PDGFRL: variants seen among roughly 807,000 people sequenced by gnomAD.
PDGFRL encodes platelet derived growth factor receptor like, also known as platelet-derived growth factor receptor-like protein.
Under a neutral mutation model 37.2 loss-of-function variants are expected in PDGFRL, and 46 were observed. The ratio of observed to expected loss-of-function variants is 1.24; its 90% CI spans 0.98 to 1.58. The LOEUF is 1.58. Ranked by LOEUF, PDGFRL falls within the 40% of genes most tolerant of loss-of-function variation. The pLI, the probability that PDGFRL is intolerant of heterozygous loss-of-function variation, is 0.00. For synonymous variants in PDGFRL, 251 were observed against 184.3 expected (o/e 1.36, Z -2.93); for missense variants, 692 against 467.6 (o/e 1.48, Z -4.43).
intron 2 of PDGFRL, among the ~76,000 whole-genome samples, 155 bp from the exon 3 acceptor site, chr8:17,620,896 G>T (rs1804616618): frequency 6.7e-6 from 1 of 150,322 alleles, no homozygotes; most frequent in Admixed American, 6.6e-5. Context: ...AAGTTCTAGG[G>T]GTGTTTGACA....
intron 1 of PDGFRL, among the ~76,000 whole-genome samples, chr8:17,579,646 G>A (rs923031996): frequency 4.6e-5 from 7 of 151,316 alleles, no homozygotes; most frequent in Admixed American, 6.6e-5. Context: ...AGCTCACTGC[G>A]ACTTCCACTT....
intron 2 of PDGFRL, among the ~76,000 whole-genome samples, chr8:17,593,749 C>T (rs1803992643): frequency 6.6e-6 from 1 of 151,980 alleles, no homozygotes. Context: ...ACAAAATTAG[C>T]TGGGCATGGT....
intron 4 of PDGFRL, among the ~76,000 whole-genome samples, chr8:17,633,785 C>T (rs1219205855): frequency 6.6e-6 from 1 of 152,170 alleles, no homozygotes; most frequent in African/African-American, 2.4e-5. Context: ...CCTCTTCATT[C>T]TCTTCACATG....
rs1198809504 is a variant in PDGFRL, at chr8:17,606,894, GTT to G, written c.354-14139_354-14138del. Among the ~76,000 whole-genome samples, 37 of 123,662 alleles carry G rather than the reference GTT, an allele frequency of 3.0e-4. 1 individual carries two copies. The highest frequency in any genetic ancestry group is 4.2e-3 in the Middle Eastern group (1 of 238). 81.1% of individuals were successfully genotyped at this position (123,662 alleles called of 152,430 possible). ...CCAGTTTTTCGTTTTTTGTTTTTTTGTTTTTTTTTTTTTTTTTTTGAGACGGA... is the reference window on the plus strand; with the variant it reads ...CCAGTTTTTCGTTTTTTGTTTTTTTGTTTTTTTTTTTTTTTTTGAGACGGA... On this transcript the variant is annotated intron_variant, in intron 2 of 5. Coordinates refer to ENST00000251630, the MANE Select transcript of PDGFRL (RefSeq NM_001372073.1).
intron 2 of PDGFRL, among the ~76,000 whole-genome samples, chr8:17,602,562 T>C (rs2129665564): frequency 6.6e-6 from 1 of 152,290 alleles, no homozygotes; most frequent in East Asian, 1.9e-4. Flanking sequence ...ATACCCAGAA[T>C]GAGGCATTGA....
intron 2 of PDGFRL, among the ~76,000 whole-genome samples, chr8:17,604,150 G>C (rs575402663): frequency 6.6e-6 from 1 of 152,196 alleles, no homozygotes; most frequent in African/African-American, 2.4e-5. Context: ...CTGTAAACTA[G>C]TTCAACCATT....
chr8:17,635,737 C>A (rs1197085189), intron 5 of PDGFRL, among the ~76,000 whole-genome samples: 1 of 152,208 alleles, frequency 6.6e-6, no homozygotes, highest in African/African-American at 2.4e-5. Flanking sequence ...TACATTCCCA[C>A]CAGCAGTGTA....
intron 2 of PDGFRL, among the ~76,000 whole-genome samples, chr8:17,597,875 G>A (rs1804087366): frequency 6.6e-6 from 1 of 152,148 alleles, no homozygotes; most frequent in African/African-American, 2.4e-5. Flanking sequence ...ATTTCAGTAA[G>A]TTAATGTGTT....
At chr8:17,609,276 G>A (rs1585316456) in intron 2 of PDGFRL, among the ~76,000 whole-genome samples, 1 of 151,972 alleles carries the variant, frequency 6.6e-6, no homozygotes. Context: ...GGTGGCTGAG[G>A]CTGGTGGATC....
At position 17,592,761 on chromosome 8, in the gene PDGFRL, C is replaced by A. The variant is rs910486060; in HGVS notation, c.353+2996C>A. ...CCCACAGCACTTGCTGTTTCCTCTT[C>A]CCAGCTCTCTTCACACTGAAAACTA... is the stretch of plus-strand genomic sequence containing the variant. On this transcript the variant is annotated intron_variant, in intron 2 of 5. Transcript: ENST00000251630. 1.3e-5 allele frequency among the ~76,000 whole-genome samples: 2 copies of A among 152,196 alleles called. 1 individual carries two copies. Among genetic ancestry groups the A allele is most frequent in the Non-Finnish European group, 2.9e-5 (2 of 68,040 alleles).
intron 2 of PDGFRL, among the ~76,000 whole-genome samples, chr8:17,603,672 T>C (rs1229336310): frequency 1.3e-5 from 2 of 152,238 alleles, no homozygotes; most frequent in South Asian, 2.1e-4. Flanking sequence ...TGGTCTCTGC[T>C]AGGCAGATGA....
At chr8:17,589,219 C>G (rs897758523) in intron 1 of PDGFRL, among the ~76,000 whole-genome samples, 1 of 151,940 alleles carries the variant, frequency 6.6e-6, no homozygotes, top group Non-Finnish European at 1.5e-5. Flanking sequence ...CTCCATGTCT[C>G]TACTAAAAAT....
intron 2 of PDGFRL, among the ~76,000 whole-genome samples, chr8:17,607,388 T>C (rs1020261407): frequency 5.3e-5 from 8 of 152,184 alleles, no homozygotes; most frequent in Non-Finnish European, 2.9e-5. Context: ...TGTTTCTACC[T>C]ACACCAAATA....
intron 1 of PDGFRL, 122 bp from the exon 2 acceptor site, chr8:17,589,346 A>T (rs1037010206): frequency 1.4e-6 from 1 of 727,916 alleles, no homozygotes; most frequent in Non-Finnish European, 2.3e-6. Context: ...AGATTATGCC[A>T]CTGCCCTCCA....
At chr8:17,639,762 G>A (rs780643671) in intron 5 of PDGFRL, among the ~76,000 whole-genome samples, 26 of 152,122 alleles carry the variant, frequency 1.7e-4, no homozygotes, top group Non-Finnish European at 2.6e-4. Context: ...CCTAGGTGAC[G>A]ATCTTTTTGC....
chr8:17,600,726 C>T (rs896998544), intron 2 of PDGFRL, among the ~76,000 whole-genome samples: 3 of 151,482 alleles, frequency 2.0e-5, no homozygotes, highest in Non-Finnish European at 2.9e-5. Flanking sequence ...TCACTTGGGC[C>T]CAGGAGTTTG....
intron 2 of PDGFRL, among the ~76,000 whole-genome samples, chr8:17,607,319 T>G (rs1291249347): frequency 6.6e-6 from 1 of 152,140 alleles, no homozygotes; most frequent in Admixed American, 6.5e-5. Flanking sequence ...GGAAATTGGT[T>G]GAAGCACGTT....
chr8:17,577,081 C>CAAAAAAAAGAAAAAAAA, upstream of PDGFRL: 1 of 109,356 alleles, frequency 9.1e-6, no homozygotes, highest in Middle Eastern at 2.0e-3. Flanking sequence ...ACACAGAGAA[C>CAAAAAAAAGAAAAAAAA]TAAAAAAAAA....
At position 17,625,133 on chromosome 8, in the gene PDGFRL, CT is replaced by C. The variant is rs1214827237; in HGVS notation, c.506-3353del. On this transcript the variant is annotated intron_variant, in intron 3 of 5. Coordinates refer to ENST00000251630, the MANE Select transcript of PDGFRL (RefSeq NM_001372073.1). ...TTAGGTATATCTCCTAAAGCTATCC[CT>C]CCCCCCCCCGCATTTTTTTGTTTTT... Among the ~76,000 whole-genome samples the C allele has an allele frequency of 1.5e-3, 4 of 2,752 alleles. No individual in the cohort carries two copies. The Non-Finnish European group carries it at 0.021, about 14-fold the overall frequency. The allele number at this position is 2,752 out of a possible 152,430, so 1.8% of individuals were successfully genotyped here.
Sources: gnomAD v4.1 joint callset for allele counts (sites outside exome capture counted in the v4.1 genomes callset) on GRCh38, gnomAD v4.1.1 for gene constraint, MANE v1.5 for transcripts, NCBI Gene and HGNC (gene_info 2026-07-23, HGNC 2026-07-21) for gene names.